OBSL1: variants seen among roughly 807,000 people sequenced by gnomAD.
The protein encoded by OBSL1 is obscurin like cytoskeletal adaptor 1.
OBSL1 carries 160 observed loss-of-function variants against 172.0 expected under a neutral mutation model. That is an observed-to-expected ratio of 0.93 (90% CI 0.82 to 1.06). The LOEUF is 1.06. Among genes scored for constraint, OBSL1 ranks in the 50% least tolerant of loss-of-function variants. The pLI is 0.00. For missense variants in OBSL1, 2,681 were observed against 2,715.4 expected (o/e 0.99, Z 0.28); for synonymous variants, 1,200 against 1,196.3 (o/e 1.00, Z -0.06).
chr2:219,570,866 AC>A lies in OBSL1; in HGVS notation c.366del (p.Ser123ProfsTer25). On this transcript the variant is annotated frameshift_variant, in exon 1 of 21. Coordinates refer to ENST00000404537, the MANE Select transcript of OBSL1 (RefSeq NM_015311.3). LOFTEE classifies it high-confidence loss of function. The part of the protein sequence containing the change: ...QPAERPLPSP[G>X]SGEGAPVFLT... Reference sequence around the variant, plus strand: ...AGGAAGACCGGGGCGCCCTCCCCGGACCCCGGCGATGGCAGCGGGCGCTCGG... The same window carrying A: ...AGGAAGACCGGGGCGCCCTCCCCGGACCCGGCGATGGCAGCGGGCGCTCGG... 2 of 1,397,692 alleles carry A rather than the reference AC, an allele frequency of 1.4e-6. No individual in the cohort carries two copies. The highest frequency in any genetic ancestry group is 1.6e-5 in the South Asian group (1 of 61,352). The allele number at this position is 1,397,692 out of a possible 1,614,324, so 86.6% of individuals were successfully genotyped here. A position where few individuals can be genotyped will look rare whatever the true frequency, so the allele number is the denominator to read the frequency against.
At chr2:219,551,368 C>A (rs753351864) in intron 20 of OBSL1, 161 bp downstream of exon 20, 25 of 1,388,474 alleles carry the variant, frequency 1.8e-5, no homozygotes, top group Non-Finnish European at 2.2e-5. Flanking sequence ...GCTTTCCAGC[C>A]CTGGGTGTGC....
At position 219,557,329 on chromosome 2, in the gene OBSL1, G is replaced by A; in HGVS notation, c.4066+14C>T. On this transcript the variant is annotated intron_variant, in intron 12 of 20. Coordinates refer to ENST00000404537, the MANE Select transcript of OBSL1 (RefSeq NM_015311.3). ...GGTGCCACAGCCCACAGGGTGTGAG[G>A]GGTACACTGTTACCTTCCACGCTGA... The A allele has an allele frequency of 6.8e-7, 1 of 1,478,146 alleles. No homozygotes were observed. Among genetic ancestry groups the A allele is most frequent in the East Asian group, 2.5e-5 (1 of 40,290 alleles). The allele number at this position is 1,478,146 out of a possible 1,614,324, so 91.6% of individuals were successfully genotyped here. A position where few individuals can be genotyped will look rare whatever the true frequency, so the allele number is the denominator to read the frequency against.
At chr2:219,561,118 G>T (rs935334717) in intron 8 of OBSL1, among the ~76,000 whole-genome samples, 1 of 152,170 alleles carries the variant, frequency 6.6e-6, no homozygotes, top group Non-Finnish European at 1.5e-5. Flanking sequence ...GGCATTGTGG[G>T]CTTGTGTGTG....
At chr2:219,554,101 G>T in intron 15 of OBSL1, 1 of 400,420 alleles carries the variant, frequency 2.5e-6, no homozygotes, top group Non-Finnish European at 4.6e-6. Flanking sequence ...GAGTGGTCAC[G>T]GGGCCCACAC....
intron 7 of OBSL1, 64 bp downstream of exon 7, chr2:219,563,291 C>T (rs946134554): frequency 2.8e-5 from 41 of 1,454,470 alleles, no homozygotes; most frequent in Non-Finnish European, 3.7e-5. Context: ...GAAGGTGTGG[C>T]AGCTGTTCCA....
Position 219,558,395 on chromosome 2 carries a change from C to G in OBSL1, c.3291G>C (p.Gly1097=), listed in dbSNP as rs1696198193. 6.2e-7 allele frequency: 1 copy of G among 1,606,208 alleles called. No individual in the cohort carries two copies. The highest frequency in any genetic ancestry group is 8.5e-7 in the Non-Finnish European group (1 of 1,177,400). Residue 1097 remains glycine (G), a synonymous_variant, in exon 10 of 21, where the codon GGG becomes GGC. Transcript: ENST00000404537. The part of the protein sequence containing the change: ...RSLDLHFGAP[G]RVELRCEVAP... The stretch of plus-strand genomic sequence containing the variant: ...CCACCTCACAGCGCAGCTCCACGCG[C>G]CCTGGAGCCCCAAAATGCAGATCCA...
At chr2:219,554,789 C>A (rs772929598) in intron 14 of OBSL1, 49 bp from the exon 15 acceptor site, 2 of 1,497,390 alleles carry the variant, frequency 1.3e-6, no homozygotes, top group Non-Finnish European at 9.0e-7. Context: ...CAGCTCTGGG[C>A]AGGGGTTGCA....
In OBSL1 at chr2:219,566,708, A is replaced by G. The variant is rs532226391; in HGVS notation, c.2134+122T>C. 20 of 1,153,866 alleles carry G rather than the reference A, an allele frequency of 1.7e-5. No individual in the cohort carries two copies. In the Admixed American group the frequency reaches 3.3e-4, roughly 19 times the overall value. 71.5% of individuals were successfully genotyped at this position (1,153,866 alleles called of 1,614,324 possible). A position where few individuals can be genotyped will look rare whatever the true frequency, so the allele number is the denominator to read the frequency against. ...TCTGAGCCCTCAACCTCAGCCCATC[A>G]TGGATGCTCCTTGCTCTCCTGGCCC... On this transcript the variant is annotated intron_variant, in intron 5 of 20. Transcript: ENST00000404537.
rs995092460 is a variant in OBSL1, at chr2:219,570,780, C to T, written c.453G>A (p.Ala151=). The part of the protein sequence containing the change: ...RGAEVVLTCR[A]GGLPEPTLYW... The stretch of plus-strand genomic sequence containing the variant: ...ACAGTGTGGGCTCGGGGAGGCCCCC[C>T]GCCCGGCACGTCAGCACCACCTCCG... Residue 151 remains alanine, a synonymous_variant, in exon 1 of 21, where the codon GCG becomes GCA. Coordinates refer to ENST00000404537, the MANE Select transcript of OBSL1 (RefSeq NM_015311.3). 4.7e-6 allele frequency: 7 copies of T among 1,492,672 alleles called. No homozygotes were observed. The African/African-American group carries it at 5.8e-5, about 12-fold the overall frequency. The allele number at this position is 1,492,672 out of a possible 1,614,324, so 92.5% of individuals were successfully genotyped here.
intron 6 of OBSL1, among the ~76,000 whole-genome samples, chr2:219,563,864 G>A (rs142854213): frequency 3.7e-3 from 564 of 152,312 alleles, no homozygotes; most frequent in Non-Finnish European, 6.5e-3. Flanking sequence ...CAGAGGTGGC[G>A]GGGTGAGTAC....
intron 9 of OBSL1, 31 bp from the exon 10 acceptor site, chr2:219,558,490 G>A (rs1299611002): frequency 5.9e-6 from 9 of 1,521,758 alleles, no homozygotes; most frequent in Non-Finnish European, 7.9e-6. Context: ...GGGGCACATA[G>A]GCTTGGCCAG....
At position 219,552,931 on chromosome 2, in the gene OBSL1, C is replaced by T. The variant is rs1456008795; in HGVS notation, c.5083G>A (p.Ala1695Thr). Reference protein sequence around the residue: ...LQLRRCGPSDAGTYSCAVGTA... With the variant: ...LQLRRCGPSDTGTYSCAVGTA... ...CCCACCGCGCAGCTGTAGGTCCCGG[C>T]GTCCGAGGGGCCGCAGCGTCGCAGC... The change falls in exon 17 of 21, where the codon GCC becomes ACC. Residue 1695 changes from alanine (A) to threonine (T), a missense_variant. Around this residue, in one of 5 missense-constraint regions of OBSL1, gnomAD observed 1,765 missense variants for 1,748.3 expected, o/e 1.01. Coordinates refer to ENST00000404537, the MANE Select transcript of OBSL1 (RefSeq NM_015311.3). 17 of 1,536,978 alleles carry T rather than the reference C, an allele frequency of 1.1e-5. No individual in the cohort carries two copies. In the South Asian group the frequency reaches 1.9e-4, roughly 17 times the overall value.
chr2:219,552,808 A>G, intron 17 of OBSL1, 60 bp downstream of exon 17: 1 of 1,532,696 alleles, frequency 6.5e-7, no homozygotes, highest in Non-Finnish European at 8.8e-7. Context: ...TCCGGGGAAG[A>G]CAGCTCCGCA....
In OBSL1 at chr2:219,557,555, CCGCCTGGGGTGCTCCGAACCCT is replaced by C; in HGVS notation, c.3832_3853del (p.Arg1278GlyfsTer3). ...GAGGTGCACCACCAGCTCTAGGTCC[CCGCCTGGGGTGCTCCGAACCCT>C]CGTCTGGGCTGCCTCGGGAGCTACC... On this transcript the variant is annotated frameshift_variant, in exon 12 of 21. Transcript: ENST00000404537. LOFTEE classifies it high-confidence loss of function. 6.4e-7 allele frequency: 1 copy of C among 1,552,094 alleles called. No homozygotes were observed. Among genetic ancestry groups the C allele is most frequent in the Non-Finnish European group, 8.7e-7 (1 of 1,148,016 alleles).
At position 219,556,060 on chromosome 2, in the gene OBSL1, C is replaced by T; in HGVS notation, c.4569G>A (p.Glu1523=). Residue 1523 remains glutamate, a synonymous_variant, in exon 14 of 21, where the codon GAG becomes GAA. Coordinates refer to ENST00000404537, the MANE Select transcript of OBSL1 (RefSeq NM_015311.3). ...ILADQGTYGC[E]SHHDRTLARL... ...TGGCCAGGGTGCGATCGTGGTGGCT[C>T]TCGCAGCCGTAGGTGCCCTGGTCGG... is the stretch of plus-strand genomic sequence containing the variant. 7.4e-6 allele frequency: 12 copies of T among 1,613,670 alleles called. No individual in the cohort carries two copies. The highest frequency in any genetic ancestry group is 1.1e-5 in the South Asian group (1 of 91,080).
In OBSL1 at chr2:219,567,253, G is replaced by A. The variant is rs777099283; in HGVS notation, c.1837+20C>T. The A allele has an allele frequency of 1.5e-5, 24 of 1,577,062 alleles. No homozygotes were observed. Among genetic ancestry groups the A allele is most frequent in the Middle Eastern group, 1.9e-4 (1 of 5,146 alleles). On this transcript the variant is annotated intron_variant, in intron 4 of 20. Coordinates refer to ENST00000404537, the MANE Select transcript of OBSL1 (RefSeq NM_015311.3). ...GGAAGGGAGGAGAAGTGATGGGTGG[G>A]TCTGGCAGGACCAACTCACCAAGGT...
At position 219,554,482 on chromosome 2, in the gene OBSL1, A is replaced by T. The variant is rs1332592987; in HGVS notation, c.4868T>A (p.Ile1623Asn). The part of the protein sequence containing the change: ...ADSLRCAARL[I>N]VREVPVTIVR... ...GGTCCTGGAGGCCACACCTCTCACAATGAGTCTGGCTGCGCAGCGCAGGGA... is the reference window on the plus strand; with the variant it reads ...GGTCCTGGAGGCCACACCTCTCACATTGAGTCTGGCTGCGCAGCGCAGGGA... Residue 1623 changes from isoleucine to asparagine, a missense_variant, in exon 15 of 21, where the codon ATT (isoleucine) becomes AAT (asparagine). Transcript: ENST00000404537. 1.2e-6 allele frequency: 2 copies of T among 1,612,870 alleles called. No individual in the cohort carries two copies. Among genetic ancestry groups the T allele is most frequent in the Admixed American group, 3.3e-5 (2 of 60,000 alleles).
At position 219,551,595 on chromosome 2, in the gene OBSL1, C is replaced by A; in HGVS notation, c.5617G>T (p.Glu1873Ter). The A allele has an allele frequency of 6.2e-7, 1 of 1,609,850 alleles. No individual in the cohort carries two copies. The stretch of plus-strand genomic sequence containing the variant: ...TGGCAGCAGTAAGTGCCTTGGTCCT[C>A]AGGTCGAACGTCATGGATGACCAGG... The part of the protein sequence containing the change: ...HSLVIHDVRP[E>*]DQGTYCCQAG... The change falls in exon 20 of 21, where the codon GAG (glutamate) becomes TAG (stop). Residue 1873 changes from glutamate (E) to a stop codon, truncating the protein, a stop_gained. Transcript: ENST00000404537. LOFTEE classifies it high-confidence loss of function.
Position 219,551,428 on chromosome 2 carries a change from T to C in OBSL1, c.5683+101A>G, listed in dbSNP as rs76367633. On this transcript the variant is annotated intron_variant, in intron 20 of 20. Coordinates refer to ENST00000404537, the MANE Select transcript of OBSL1 (RefSeq NM_015311.3). ...CACCTCCTACGTATCCCAGGACCCG[T>C]TGCCACCCCAAGTTCTGGAAAGCCT... The C allele has an allele frequency of 1.9e-3, 2,621 of 1,404,194 alleles. 36 individuals carry two copies. The African/African-American group carries it at 0.032, about 17-fold the overall frequency. The allele number at this position is 1,404,194 out of a possible 1,614,324, so 87.0% of individuals were successfully genotyped here. A position where few individuals can be genotyped will look rare whatever the true frequency, so the allele number is the denominator to read the frequency against.
Sources: allele counts gnomAD v4.1 joint callset (sites outside exome capture counted in the v4.1 genomes callset), GRCh38; gene constraint gnomAD v4.1.1; regional missense constraint gnomAD v4.1.1; transcripts MANE v1.5; gene names NCBI Gene and HGNC (gene_info 2026-07-23, HGNC 2026-07-21).